Variants in EPB41L1 observed in about 807,000 individuals in gnomAD.
EPB41L1 encodes the protein erythrocyte membrane protein band 4.1 like 1, also known as band 4.1-like protein 1.
A neutral mutation model predicts 97.8 loss-of-function variants in EPB41L1; 29 were observed. The observed-to-expected ratio is 0.30, with a 90% CI of 0.22 to 0.40. EPB41L1 has a LOEUF of 0.40. EPB41L1 is among the 10% of genes least tolerant of loss of function. The pLI, the probability that EPB41L1 is intolerant of heterozygous loss-of-function variation, is 1.00. For synonymous variants in EPB41L1, 383 were observed against 459.2 expected (o/e 0.83, Z 2.12); for missense variants, 812 against 1,162.3 (o/e 0.70, Z 4.38).
intron 13 of EPB41L1, among the ~76,000 whole-genome samples, chr20:36,196,079 A>G (rs2062187674): frequency 6.6e-6 from 1 of 152,078 alleles, no homozygotes; most frequent in African/African-American, 2.4e-5. Flanking sequence ...CCAACTCTTC[A>G]TCTGAACTTT....
intron 19 of EPB41L1, 113 bp from the exon 20 acceptor site, chr20:36,221,751 G>C (rs980175485): frequency 1.1e-6 from 1 of 889,190 alleles, no homozygotes. Flanking sequence ...CAGGAGAGAA[G>C]GTAACTGCTG....
At chr20:36,160,109 A>C (rs1426424721) in intron 1 of EPB41L1, among the ~76,000 whole-genome samples, 1 of 152,254 alleles carries the variant, frequency 6.6e-6, no homozygotes, top group Non-Finnish European at 1.5e-5. Context: ...ATCAGTATTC[A>C]TATTACAATG....
chr20:36,173,285 G>A (rs1173015197), intron 1 of EPB41L1, among the ~76,000 whole-genome samples: 3 of 152,192 alleles, frequency 2.0e-5, no homozygotes, highest in Non-Finnish European at 4.4e-5. Flanking sequence ...TGAAGCTTGG[G>A]GTATGAAGAG....
At chr20:36,138,673 G>A (rs2059513077) in intron 2 of EPB41L1, among the ~76,000 whole-genome samples, 1 of 152,204 alleles carries the variant, frequency 6.6e-6, no homozygotes, top group African/African-American at 2.4e-5. Flanking sequence ...CTGAGTAGTA[G>A]GAAGAATTAT....
At chr20:36,222,025 A>C in intron 20 of EPB41L1, 81 bp downstream of exon 20, 1 of 1,427,444 alleles carries the variant, frequency 7.0e-7, no homozygotes, top group Non-Finnish European at 9.9e-7. Flanking sequence ...ATGGATGGCT[A>C]TCCTCATGGG....
intron 1 of EPB41L1, among the ~76,000 whole-genome samples, chr20:36,171,577 A>G (rs2060991366): frequency 6.6e-6 from 1 of 151,582 alleles, no homozygotes; most frequent in Admixed American, 6.6e-5. Context: ...ACCGTTATCC[A>G]CTCTGTGGGG....
intron 3 of EPB41L1, 152 bp downstream of exon 3, chr20:36,175,867 G>A (rs2061205538): frequency 2.5e-6 from 2 of 798,910 alleles, no homozygotes; most frequent in African/African-American, 1.7e-5. Flanking sequence ...GAGCTCCTTT[G>A]TACAGATGGT....
At chr20:36,127,126 C>T (rs1487241273) in intron 2 of EPB41L1, among the ~76,000 whole-genome samples, 3 of 152,214 alleles carry the variant, frequency 2.0e-5, no homozygotes, top group Admixed American at 6.5e-5. Context: ...CTCATCCATA[C>T]CCCGCCTCCC....
chr20:36,150,977 G>A (rs1017288589), upstream of EPB41L1: 13 of 152,270 alleles, frequency 8.5e-5, no homozygotes, highest in African/African-American at 3.1e-4. Context: ...TGGTGGCTGG[G>A]AGTCAGGAGA....
chr20:36,214,016 C>G (rs2063294356), intron 16 of EPB41L1, among the ~76,000 whole-genome samples: 3 of 151,954 alleles, frequency 2.0e-5, no homozygotes, highest in African/African-American at 4.8e-5. Context: ...AATTCACTAT[C>G]AGCGCTCGTG....
chr20:36,124,364 G>GTT (rs2058876455), intron 2 of EPB41L1, among the ~76,000 whole-genome samples: 1 of 152,130 alleles, frequency 6.6e-6, no homozygotes, highest in African/African-American at 2.4e-5. Flanking sequence ...TTACCATGGC[G>GTT]TTCAGAGCCC....
intron 15 of EPB41L1, among the ~76,000 whole-genome samples, chr20:36,210,442 T>A (rs1009414448): frequency 1.3e-5 from 2 of 152,048 alleles, no homozygotes; most frequent in Non-Finnish European, 2.9e-5. Context: ...GTCTCCTCTG[T>A]AGAGCTGTGA....
intron 1 of EPB41L1, among the ~76,000 whole-genome samples, chr20:36,159,653 G>A (rs1409300854): frequency 6.6e-6 from 1 of 152,180 alleles, no homozygotes; most frequent in African/African-American, 2.4e-5. Context: ...CTAATCAAGA[G>A]GGGAAGTGAC....
intron 1 of EPB41L1, among the ~76,000 whole-genome samples, chr20:36,094,637 T>C (rs2057771146): frequency 1.3e-5 from 2 of 151,844 alleles, no homozygotes; most frequent in African/African-American, 4.8e-5. Context: ...GGAAGGAAGG[T>C]GGATGGGTGA....
At chr20:36,218,298 G>T (rs1187980028) in intron 17 of EPB41L1, among the ~76,000 whole-genome samples, 1 of 152,156 alleles carries the variant, frequency 6.6e-6, no homozygotes, top group Admixed American at 6.5e-5. Context: ...ACGAGATGAG[G>T]CATGTAACAT....
At chr20:36,221,407 G>A (rs1447578179) in intron 19 of EPB41L1, among the ~76,000 whole-genome samples, 1 of 152,214 alleles carries the variant, frequency 6.6e-6, no homozygotes, top group Non-Finnish European at 1.5e-5. Flanking sequence ...GGTTAGACTG[G>A]GTGAGGGAGT....
At chr20:36,147,210 T>C (rs2059874170) in intron 2 of EPB41L1, among the ~76,000 whole-genome samples, 1 of 152,176 alleles carries the variant, frequency 6.6e-6, no homozygotes, top group Non-Finnish European at 1.5e-5. Context: ...TTTCTGGCTT[T>C]AGACTCTAAT....
intron 2 of EPB41L1, among the ~76,000 whole-genome samples, chr20:36,119,820 G>A (rs557897660): frequency 2.6e-5 from 4 of 152,144 alleles, no homozygotes; most frequent in East Asian, 1.9e-4. Context: ...TTAAGCAGGC[G>A]AGGAACAATG....
chr20:36,141,969 G>A (rs903550921), intron 2 of EPB41L1, among the ~76,000 whole-genome samples: 3 of 126,014 alleles, frequency 2.4e-5, no homozygotes, highest in African/African-American at 8.4e-5. Flanking sequence ...TTAACCAGGC[G>A]TGGTGGCGGG....
Sources: allele counts gnomAD v4.1 joint callset (sites outside exome capture counted in the v4.1 genomes callset), GRCh38; gene constraint gnomAD v4.1.1; transcripts MANE v1.5; gene names NCBI Gene and HGNC (gene_info 2026-07-23, HGNC 2026-07-21).